CREM: variants seen among roughly 807,000 people sequenced by gnomAD.
CREM encodes the protein cAMP-responsive element modulator.
In CREM, 13 loss-of-function variants were observed where a neutral mutation model predicts 37.3. The observed-to-expected ratio is 0.35, with a 90% CI of 0.23 to 0.55. The LOEUF (loss-of-function observed/expected upper bound fraction) is 0.55. Ranked by LOEUF, CREM falls within the 20% of genes least tolerant of loss-of-function variation. The pLI is 0.88. For missense variants in CREM, 296 were observed against 362.3 expected (o/e 0.82, Z 1.49); for synonymous variants, 124 against 120.2 (o/e 1.03, Z -0.21).
intron 3 of CREM, chr10:35,158,353 G>C (rs2093045160): frequency 1.4e-5 from 3 of 220,058 alleles, no homozygotes; most frequent in Non-Finnish European, 2.7e-5. Context: ...AGACCGAGAA[G>C]CAGGCTGCTG....
At chr10:35,175,606 C>A in intron 3 of CREM, 1 of 1,494,692 alleles carries the variant, frequency 6.7e-7, no homozygotes, top group Non-Finnish European at 9.3e-7. Context: ...ACATTCTTAG[C>A]CACCGAAGTA....
intron 6 of CREM, among the ~76,000 whole-genome samples, chr10:35,206,449 T>C (rs2095525834): frequency 6.6e-6 from 1 of 152,188 alleles, no homozygotes. Flanking sequence ...TGTGTGTCTT[T>C]CCAACTCTAC....
At chr10:35,196,025 C>T (rs1460135788) in intron 6 of CREM, 8 of 1,612,138 alleles carry the variant, frequency 5.0e-6, no homozygotes, top group Non-Finnish European at 6.8e-6. Context: ...AAGTGGTTGT[C>T]TGCTTGAAGA....
chr10:35,195,975 A>G (rs912255954), intron 6 of CREM: 1 of 1,449,918 alleles, frequency 6.9e-7, no homozygotes, highest in African/African-American at 1.4e-5. Context: ...TTTTAGACTG[A>G]ATAGCTTTTC....
chr10:35,184,942 T>G (rs553782191), intron 5 of CREM, among the ~76,000 whole-genome samples: 5 of 152,150 alleles, frequency 3.3e-5, no homozygotes, highest in Non-Finnish European at 7.3e-5. Context: ...GGTTCTATGA[T>G]TGGAATTTGA....
At chr10:35,171,161 C>T (rs1167793010) in intron 3 of CREM, 3 of 82,688 alleles carry the variant, frequency 3.6e-5, no homozygotes, top group South Asian at 5.7e-4. Flanking sequence ...TTAACCAAGC[C>T]TTTTTTTTTT....
chr10:35,157,280 T>TA (rs146181385), intron 3 of CREM, among the ~76,000 whole-genome samples: 1 of 151,920 alleles, frequency 6.6e-6, no homozygotes, highest in Non-Finnish European at 1.5e-5. Context: ...CACCCACAAC[T>TA]AACATCATGC....
At chr10:35,174,127 G>C (rs1021496079) in intron 3 of CREM, among the ~76,000 whole-genome samples, 2 of 152,116 alleles carry the variant, frequency 1.3e-5, no homozygotes, top group Non-Finnish European at 2.9e-5. Flanking sequence ...AATTTTCCCT[G>C]TGGGCTACAT....
chr10:35,191,086 T>TTTTTTTTATTTATTTATTTATTTA (rs148704946), intron 6 of CREM, among the ~76,000 whole-genome samples: 8 of 147,992 alleles, frequency 5.4e-5, no homozygotes, highest in Admixed American at 2.7e-4. Context: ...ACATTTTTCT[T>TTTTTTTTATTTATTTATTTATTTA]TTTATTTATT....
intron 1 of CREM, among the ~76,000 whole-genome samples, chr10:35,133,852 C>T (rs994227610): frequency 6.6e-6 from 1 of 152,178 alleles, no homozygotes; most frequent in Non-Finnish European, 1.5e-5. Context: ...CCTGGGCACA[C>T]TAGAGAACTG....
chr10:35,128,107 G>T (rs1042157396), intron 1 of CREM, among the ~76,000 whole-genome samples: 2 of 152,200 alleles, frequency 1.3e-5, no homozygotes, highest in African/African-American at 4.8e-5. Flanking sequence ...CAAAGTGCTG[G>T]GATTACAGGC....
At position 35,211,335 on chromosome 10, in the gene CREM, A is replaced by G; in HGVS notation, c.837A>G (p.Gln279=). The change falls in exon 8 of 8, where the codon CAA becomes CAG. Residue 279 remains glutamine (Q), a synonymous_variant. Coordinates refer to ENST00000685392, the MANE Select transcript of CREM (RefSeq NM_183011.2). The part of the protein sequence containing the change: ...LENRVAVLEN[Q]NKTLIEELKA... ...ATCGTGTGGCTGTGCTTGAAAACCAAAACAAGACTCTCATTGAGGAACTCA... is the reference window on the plus strand; with the variant it reads ...ATCGTGTGGCTGTGCTTGAAAACCAGAACAAGACTCTCATTGAGGAACTCA... 6.2e-7 allele frequency: 1 copy of G among 1,614,092 alleles called. No individual in the cohort carries two copies. Among genetic ancestry groups the G allele is most frequent in the Middle Eastern group, 1.6e-4 (1 of 6,062 alleles).
At chr10:35,184,257 A>C (rs921316583) in intron 5 of CREM, among the ~76,000 whole-genome samples, 1 of 152,186 alleles carries the variant, frequency 6.6e-6, no homozygotes, top group Non-Finnish European at 1.5e-5. Flanking sequence ...CTCTTAAATA[A>C]ATAGCTAAAA....
At chr10:35,208,641 A>G (rs573361880) in intron 7 of CREM, among the ~76,000 whole-genome samples, 1 of 152,232 alleles carries the variant, frequency 6.6e-6, no homozygotes, top group South Asian at 2.1e-4. Flanking sequence ...ATTCATTCTC[A>G]TGATCACAGC....
In CREM at chr10:35,196,170, G is replaced by A. The variant is rs540213284; in HGVS notation, c.598+7782G>A. Reference sequence around the variant, plus strand: ...GAGAAATGGATTATGTATTGTATAAGCTGGCGGGTTCTTTACTCTTACTCC... The same window carrying A: ...GAGAAATGGATTATGTATTGTATAAACTGGCGGGTTCTTTACTCTTACTCC... On this transcript the variant is annotated intron_variant, in intron 6 of 7. Transcript: ENST00000685392. The A allele has an allele frequency of 6.5e-6, 10 of 1,532,864 alleles. No individual in the cohort carries two copies. In the Admixed American group the frequency reaches 6.9e-5, roughly 11 times the overall value. 95.0% of individuals were successfully genotyped at this position (1,532,864 alleles called of 1,614,324 possible). A position where few individuals can be genotyped will look rare whatever the true frequency, so the allele number is the denominator to read the frequency against.
At chr10:35,189,741 C>A (rs2094830448) in intron 6 of CREM, among the ~76,000 whole-genome samples, 1 of 152,134 alleles carries the variant, frequency 6.6e-6, no homozygotes, top group South Asian at 2.1e-4. Flanking sequence ...GTCGTGAACT[C>A]CTGAGCTCAG....
At chr10:35,146,469 T>A in intron 2 of CREM, among the ~76,000 whole-genome samples, 1 of 152,184 alleles carries the variant, frequency 6.6e-6, no homozygotes, top group Non-Finnish European at 1.5e-5. Context: ...CTACCCTTTT[T>A]CCCCAGATAA....
chr10:35,204,515 A>T (rs1050434756), intron 6 of CREM, among the ~76,000 whole-genome samples: 1 of 151,098 alleles, frequency 6.6e-6, no homozygotes, highest in Non-Finnish European at 1.5e-5. Flanking sequence ...CAAGAGAATC[A>T]CTTGAACCAG....
intron 1 of CREM, chr10:35,127,524 C>T (rs1178148486): frequency 6.6e-6 from 1 of 152,370 alleles, no homozygotes; most frequent in African/African-American, 2.4e-5. Flanking sequence ...AGCCGTGCGG[C>T]TCAGGGGAGC....
Sources: gnomAD v4.1 joint callset for allele counts (sites outside exome capture counted in the v4.1 genomes callset) on GRCh38, gnomAD v4.1.1 for gene constraint, MANE v1.5 for transcripts, NCBI Gene and HGNC (gene_info 2026-07-23, HGNC 2026-07-21) for gene names.